Variants in DMD observed in about 807,000 individuals in gnomAD.
DMD encodes mutant dystrophin.
Under a neutral mutation model 330.1 loss-of-function variants are expected in DMD, and 63 were observed. That is an observed-to-expected ratio of 0.19 (90% CI 0.16 to 0.24). The LOEUF (loss-of-function observed/expected upper bound fraction) is 0.24. DMD is among the 10% of genes least tolerant of loss of function. DMD has a pLI of 1.00. For missense variants in DMD, 3,344 were observed against 2,684.1 expected (o/e 1.25, Z -5.43); for synonymous variants, 1,223 against 959.8 (o/e 1.27, Z -5.07).
intron 17 of DMD, among the ~76,000 whole-genome samples, chrX:32,522,434 T>C (rs775174014): frequency 1.1e-4 from 12 of 112,339 alleles, no homozygotes; most frequent in Non-Finnish European, 2.3e-4. Flanking sequence ...GTATAATTTG[T>C]AAAGATCGCA....
At chrX:32,812,888 CCTTAT>C (rs2077472822) in intron 6 of DMD, among the ~76,000 whole-genome samples, 2 of 111,232 alleles carry the variant, frequency 1.8e-5, no homozygotes, top group South Asian at 7.5e-4. Flanking sequence ...GCGCACTCTG[CCTTAT>C]CTTCATTTTT....
intron 7 of DMD, among the ~76,000 whole-genome samples, chrX:32,743,141 T>C (rs908426992): frequency 4.5e-5 from 5 of 111,137 alleles, no homozygotes; most frequent in Non-Finnish European, 9.4e-5. Context: ...TGCTAGGGAG[T>C]GAATGCACAG....
intron 1 of DMD, among the ~76,000 whole-genome samples, chrX:33,269,908 AAT>A (rs2053123406): frequency 1.8e-5 from 2 of 110,075 alleles, no homozygotes; most frequent in South Asian, 7.8e-4. Context: ...TTCAGAGTCT[AAT>A]ATATACGTAA....
intron 44 of DMD, among the ~76,000 whole-genome samples, chrX:32,157,496 A>G (rs2096834902): frequency 8.9e-6 from 1 of 112,336 alleles, no homozygotes; most frequent in East Asian, 2.8e-4. Flanking sequence ...TTTCTCTAAA[A>G]TATAATTGGC....
chrX:33,041,333 C>A (rs1266170239), intron 1 of DMD: 12 of 1,124,327 alleles, frequency 1.1e-5, no homozygotes, highest in Non-Finnish European at 1.4e-5. Flanking sequence ...ACCGCCTCTG[C>A]GCGTCGCCCT....
At chrX:31,295,954 C>T (rs1316162359) in intron 62 of DMD, among the ~76,000 whole-genome samples, 2 of 104,424 alleles carry the variant, frequency 1.9e-5, no homozygotes, top group African/African-American at 3.5e-5. Flanking sequence ...GAAGCATGGA[C>T]TCTATGAAAG....
intron 39 of DMD, among the ~76,000 whole-genome samples, chrX:32,344,540 C>T (rs1373356352): frequency 5.4e-5 from 6 of 110,825 alleles, no homozygotes; most frequent in Non-Finnish European, 7.6e-5. Flanking sequence ...GGAGTCAGAT[C>T]GAACGCTGCT....
intron 63 of DMD, among the ~76,000 whole-genome samples, chrX:31,241,007 A>G (rs1340899721): frequency 1.8e-5 from 2 of 111,405 alleles, no homozygotes; most frequent in African/African-American, 6.5e-5. Context: ...TTGCAAAACT[A>G]AGAGAGATAG....
At chrX:31,376,980 T>C (rs930733412) in intron 60 of DMD, among the ~76,000 whole-genome samples, 5 of 112,330 alleles carry the variant, frequency 4.5e-5, no homozygotes, top group East Asian at 2.8e-4. Context: ...TGCCAGTGCA[T>C]GGGGAAAAAC....
At chrX:32,387,086 A>AGTGCT (rs2147571358) in intron 32 of DMD, among the ~76,000 whole-genome samples, 1 of 111,330 alleles carries the variant, frequency 9.0e-6, no homozygotes. Context: ...TTTTCTTAAA[A>AGTGCT]GTGCTGATGA....
chrX:32,660,974 C>T (rs1207773915), intron 9 of DMD, among the ~76,000 whole-genome samples: 3 of 111,060 alleles, frequency 2.7e-5, no homozygotes, highest in South Asian at 7.4e-4. Context: ...ACCAAAAACG[C>T]TAATAAATAA....
At chrX:31,276,119 C>T (rs933382912) in intron 62 of DMD, among the ~76,000 whole-genome samples, 1 of 112,148 alleles carries the variant, frequency 8.9e-6, no homozygotes, top group African/African-American at 3.2e-5. Flanking sequence ...AGCAGTGGCA[C>T]GATCTCGGCT....
At chrX:33,164,506 G>A (rs928405243) in intron 1 of DMD, among the ~76,000 whole-genome samples, 5 of 111,566 alleles carry the variant, frequency 4.5e-5, no homozygotes, top group Non-Finnish European at 7.5e-5. Flanking sequence ...GTAAACTTCC[G>A]GGCTTACTTT....
At chrX:32,589,273 G>C (rs1273217824) in intron 13 of DMD, among the ~76,000 whole-genome samples, 1 of 111,450 alleles carries the variant, frequency 9.0e-6, no homozygotes, top group Non-Finnish European at 1.9e-5. Flanking sequence ...GTAAAATACA[G>C]TGTATTCAAA....
intron 54 of DMD, among the ~76,000 whole-genome samples, chrX:31,654,731 G>C (rs1397830565): frequency 9.0e-6 from 1 of 110,710 alleles, no homozygotes. Context: ...ACACGTAGAG[G>C]GGAACAACAC....
chrX:32,095,892 T>C (rs2096502035), intron 44 of DMD, among the ~76,000 whole-genome samples: 1 of 91,266 alleles, frequency 1.1e-5, no homozygotes, highest in African/African-American at 4.2e-5. Flanking sequence ...CTCTTTCTAC[T>C]ACAGTTGATT....
At chrX:32,954,828 T>C (rs1448569935) in intron 2 of DMD, among the ~76,000 whole-genome samples, 1 of 111,643 alleles carries the variant, frequency 9.0e-6, no homozygotes, top group Non-Finnish European at 1.9e-5. Context: ...TTGCTAAGGA[T>C]AATGGCCTCC....
intron 62 of DMD, among the ~76,000 whole-genome samples, chrX:31,271,860 T>C (rs1372233826): frequency 1.4e-5 from 1 of 70,827 alleles, no homozygotes; most frequent in Admixed American, 1.8e-4. Context: ...AGGGCAAATA[T>C]TATAGCATAC....
chrX:32,953,856 A>G (rs1256253403), intron 2 of DMD, among the ~76,000 whole-genome samples: 1 of 111,993 alleles, frequency 8.9e-6, no homozygotes, highest in Admixed American at 9.5e-5. Context: ...TTTTGTGGTA[A>G]GAAATATGGA....
Sources: allele counts gnomAD v4.1 joint callset (sites outside exome capture counted in the v4.1 genomes callset), GRCh38; gene constraint gnomAD v4.1.1; transcripts MANE v1.5; gene names NCBI Gene and HGNC (gene_info 2026-07-23, HGNC 2026-07-21).